Variants in FSAF1 observed in about 807,000 individuals in gnomAD.
The protein encoded by FSAF1 is 40S small subunit processome assembly factor 1.
the FSAF1 span, among the ~76,000 whole-genome samples, chr1:231,234,239 C>T: frequency 6.6e-6 from 1 of 152,176 alleles, no homozygotes; most frequent in Non-Finnish European, 1.5e-5. The surrounding 1 kb of genome is among the most constrained non-coding windows in gnomAD (Gnocchi z 4.0). Context: ...TTATGTGTTT[C>T]TTATCTCTTT....
At chr1:231,229,652 T>C in the FSAF1 span, among the ~76,000 whole-genome samples, 19 of 152,308 alleles carry the variant, frequency 1.2e-4, no homozygotes, top group Non-Finnish European at 4.4e-5. Context: ...TGCTGGAATA[T>C]TCCACAGCCT....
the FSAF1 span, chr1:231,225,506 A>C: frequency 6.2e-7 from 1 of 1,613,678 alleles, no homozygotes; most frequent in Non-Finnish European, 8.5e-7. Context: ...TTTTCTTGAA[A>C]ATATCTGTTT....
the FSAF1 span, chr1:231,225,328 T>A: frequency 1.3e-6 from 1 of 746,402 alleles, no homozygotes; most frequent in Non-Finnish European, 2.3e-6. Flanking sequence ...GTTTACTAAA[T>A]CCTACTTTGA....
the FSAF1 span, chr1:231,224,449 G>A: frequency 6.3e-7 from 1 of 1,575,072 alleles, no homozygotes; most frequent in East Asian, 2.2e-5. Flanking sequence ...ACTATAAATA[G>A]TCAAGCTTAC....
chr1:231,229,051 G>C, the FSAF1 span: 292 of 737,164 alleles, frequency 4.0e-4, no homozygotes, highest in Non-Finnish European at 5.7e-4. Context: ...TGCATGTTAT[G>C]TTATAAACTT....
chr1:231,240,997 C>T, the FSAF1 span: 1 of 1,589,996 alleles, frequency 6.3e-7, no homozygotes. This position sits in a 1 kb window ranked among gnomAD's most constrained non-coding sequence, Gnocchi z 4.1. Context: ...CTGTTCTCCA[C>T]GTGGGCTCCT....
chr1:231,235,312 C>G, the FSAF1 span, among the ~76,000 whole-genome samples: 2 of 152,168 alleles, frequency 1.3e-5, no homozygotes, highest in African/African-American at 4.8e-5. Flanking sequence ...TCCTGGCCAA[C>G]ATGGTGAAAC....
At chr1:231,224,547 A>G in the FSAF1 span, 3 of 811,556 alleles carry the variant, frequency 3.7e-6, no homozygotes, top group African/African-American at 3.5e-5. Context: ...CCCACCCCAT[A>G]CGCCTTCCTG....
chr1:231,224,144 T>C, the FSAF1 span: 1 of 1,056,646 alleles, frequency 9.5e-7, no homozygotes, highest in Non-Finnish European at 1.3e-6. Context: ...GTTACTTCTG[T>C]TTGACTTTTT....
chr1:231,225,386 C>G, the FSAF1 span: 1 of 1,308,662 alleles, frequency 7.6e-7, no homozygotes, highest in Non-Finnish European at 1.1e-6. Flanking sequence ...CTAGCAACAC[C>G]ACATACATTC....
the FSAF1 span, among the ~76,000 whole-genome samples, chr1:231,229,792 TCA>T: frequency 6.6e-6 from 1 of 152,118 alleles, no homozygotes; most frequent in African/African-American, 2.4e-5. Context: ...GGAGTCAAAT[TCA>T]CACAGACAGA....
the FSAF1 span, chr1:231,225,212 A>G: frequency 1.9e-6 from 1 of 538,574 alleles, no homozygotes; most frequent in Non-Finnish European, 3.3e-6. Flanking sequence ...TTTTCTTGGA[A>G]ATGTAAACTG....
At chr1:231,224,108 A>G in the FSAF1 span, 1 of 725,708 alleles carries the variant, frequency 1.4e-6, no homozygotes, top group Non-Finnish European at 2.1e-6. Context: ...CAGCACCATG[A>G]AGCAGACACT....
the FSAF1 span, chr1:231,237,307 A>G: frequency 6.6e-6 from 1 of 152,264 alleles, no homozygotes; most frequent in East Asian, 1.9e-4. Flanking sequence ...TTATACATTC[A>G]TAAAGAACAA....
the FSAF1 span, chr1:231,241,167 G>A: frequency 6.3e-7 from 1 of 1,595,526 alleles, no homozygotes; most frequent in Non-Finnish European, 8.6e-7. Context: ...CCCCGCTTCC[G>A]GGTTCCGCGA....
the FSAF1 span, among the ~76,000 whole-genome samples, chr1:231,236,273 TGTCAACATTCTGAG>T: frequency 1.3e-5 from 2 of 152,164 alleles, no homozygotes; most frequent in Non-Finnish European, 2.9e-5. Flanking sequence ...CACACCGCAA[TGTCAACATTCTGAG>T]GTCATTTTAC....
chr1:231,227,140 G>T, the FSAF1 span: 2 of 1,472,604 alleles, frequency 1.4e-6, no homozygotes, highest in Non-Finnish European at 1.9e-6. Flanking sequence ...ACTGCCAGAA[G>T]TAATGCATTT....
At chr1:231,226,869 G>C in the FSAF1 span, 1 of 1,589,394 alleles carries the variant, frequency 6.3e-7, no homozygotes, top group Non-Finnish European at 8.6e-7. Flanking sequence ...ATTTTATTCT[G>C]CAAAAATGTT....
the FSAF1 span, chr1:231,238,867 T>G: frequency 6.2e-7 from 1 of 1,611,782 alleles, no homozygotes; most frequent in Non-Finnish European, 8.5e-7. Flanking sequence ...CTTTGTGTTC[T>G]TGTTATGATC....
Sources: gnomAD v4.1 joint callset for allele counts (sites outside exome capture counted in the v4.1 genomes callset) on GRCh38, gnomAD v4.1.1 for gene constraint, Gnocchi (gnomAD v3.1) non-coding constraint, MANE v1.5 for transcripts, NCBI Gene and HGNC (gene_info 2026-07-23, HGNC 2026-07-21) for gene names.